MGST2: variants seen among roughly 807,000 people sequenced by gnomAD.
The protein encoded by MGST2 is glutathione peroxidase MGST2.
MGST2 carries 9 observed loss-of-function variants against 16.6 expected under a neutral mutation model. That is an observed-to-expected ratio of 0.54 (90% CI 0.33 to 0.95). The LOEUF is 0.95. Among genes scored for constraint, MGST2 ranks in the 40% least tolerant of loss-of-function variants. The probability of loss-of-function intolerance (pLI) is 0.03; values close to 1 mark genes in which losing one functional copy is unlikely to be tolerated. For missense variants in MGST2, 159 were observed against 175.1 expected, an observed-to-expected ratio of 0.91 and a Z score of 0.52; for synonymous variants, 79 against 68.0, an observed-to-expected ratio of 1.16 and a Z score of -0.79.
the MGST2 span, among the ~76,000 whole-genome samples, chr4:139,749,658 C>T: frequency 6.6e-6 from 1 of 152,228 alleles, no homozygotes; most frequent in Non-Finnish European, 1.5e-5. Context: ...TTTGCATGAG[C>T]ACTTCTGGAC....
intron 5 of MGST2, among the ~76,000 whole-genome samples, chr4:139,723,795 C>A (rs1453133): frequency 1.1e-3 from 167 of 152,234 alleles, no homozygotes; most frequent in Middle Eastern, 3.4e-3. Flanking sequence ...TTAATTAGTT[C>A]ATAATATAAT....
At chr4:139,720,253 C>G in intron 5 of MGST2, 1 of 1,600,330 alleles carries the variant, frequency 6.2e-7, no homozygotes, top group South Asian at 1.1e-5. Context: ...CGTTCTGTGC[C>G]ATCAGCCGTG....
chr4:139,695,878 C>G (rs1265350225), intron 3 of MGST2, among the ~76,000 whole-genome samples: 2 of 152,110 alleles, frequency 1.3e-5, no homozygotes, highest in Non-Finnish European at 2.9e-5. Flanking sequence ...GGGGTGCTGA[C>G]CCCCCGCCCC....
At chr4:139,668,096 T>TGG (rs1730469115) in intron 1 of MGST2, among the ~76,000 whole-genome samples, 1 of 152,148 alleles carries the variant, frequency 6.6e-6, no homozygotes, top group Non-Finnish European at 1.5e-5. Flanking sequence ...CAACTGGAAG[T>TGG]GGGGCATGGG....
At chr4:139,702,574 C>T (rs774190748) in intron 3 of MGST2, among the ~76,000 whole-genome samples, 1 of 151,990 alleles carries the variant, frequency 6.6e-6, no homozygotes, top group Non-Finnish European at 1.5e-5. Context: ...TATCCATTCT[C>T]CTGTTGATAG....
chr4:139,697,475 C>G (rs1726992248), intron 3 of MGST2, among the ~76,000 whole-genome samples: 1 of 152,164 alleles, frequency 6.6e-6, no homozygotes. Flanking sequence ...AGCTAAACTT[C>G]TTTCTAAAAT....
chr4:139,739,720 T>TAAAA (rs59259375), intron 5 of MGST2, among the ~76,000 whole-genome samples: 1 of 134,210 alleles, frequency 7.5e-6, no homozygotes, highest in African/African-American at 2.8e-5. Flanking sequence ...GTGTTAAAAC[T>TAAAA]AAAAAAAAAA....
intron 2 of MGST2, among the ~76,000 whole-genome samples, chr4:139,688,260 CA>C (rs1353262754): frequency 2.0e-5 from 3 of 151,972 alleles, no homozygotes. Flanking sequence ...TCTCTTTAGA[CA>C]AAAATTTTTA....
At chr4:139,670,068 G>A (rs1187311336) in intron 1 of MGST2, among the ~76,000 whole-genome samples, 1 of 152,134 alleles carries the variant, frequency 6.6e-6, no homozygotes, top group Non-Finnish European at 1.5e-5. Context: ...AGGCAATTGT[G>A]TTTGTCTTAG....
At chr4:139,676,334 G>T (rs1387231097) in intron 1 of MGST2, among the ~76,000 whole-genome samples, 2 of 152,022 alleles carry the variant, frequency 1.3e-5, no homozygotes, top group Non-Finnish European at 2.9e-5. Flanking sequence ...GTGAGTCAGG[G>T]TTCTCCAGAG....
rs535535121 is a variant in MGST2, at chr4:139,720,312, C to A, written c.*48+16116C>A. The A allele has an allele frequency of 1.0e-4, 155 of 1,534,562 alleles. 1 individual carries two copies. In the South Asian group the frequency reaches 1.9e-3, roughly 19 times the overall value. On this transcript the variant is annotated intron_variant, in intron 5 of 5. Coordinates refer to the MGST2 transcript ENST00000616265. ...GCTTGGCTTCTTACGGCTGCTATATCCTGGGGAGAACCTGCAGTGAAAAAG... is the reference window on the plus strand; with the variant it reads ...GCTTGGCTTCTTACGGCTGCTATATACTGGGGAGAACCTGCAGTGAAAAAG...
rs906778528 is a variant in MGST2, at chr4:139,735,057, T to TCCCGCCCGCCCCTCCGCGGCC, written c.*49-5147_*49-5127dup. Among the ~76,000 whole-genome samples, 1 of 152,112 alleles carries TCCCGCCCGCCCCTCCGCGGCC rather than the reference T, an allele frequency of 6.6e-6. No individual in the cohort carries two copies. The highest frequency in any genetic ancestry group is 2.4e-5 in the African/African-American group (1 of 41,448). On this transcript the variant is annotated intron_variant, in intron 5 of 5. Coordinates refer to the MGST2 transcript ENST00000616265. The surrounding 1 kb of genome is among the most constrained non-coding windows in gnomAD (Gnocchi z 5.8). ...CCCTCGCAGATGGCTTAATCAGGGC[T>TCCCGCCCGCCCCTCCGCGGCC]CCCGCCCGCCCCTCCGCGGCCCCCG...
At chr4:139,751,486 C>G in the MGST2 span, among the ~76,000 whole-genome samples, 1 of 152,314 alleles carries the variant, frequency 6.6e-6, no homozygotes, top group South Asian at 2.1e-4. Flanking sequence ...GTTTTGACTG[C>G]ATTTTGACTG....
Position 139,678,609 on chromosome 4 carries a change from G to A in MGST2, c.125G>A (p.Gly42Glu). 1 of 1,614,082 alleles carries A rather than the reference G, an allele frequency of 6.2e-7. No individual in the cohort carries two copies. Among genetic ancestry groups the A allele is most frequent in the Non-Finnish European group, 8.5e-7 (1 of 1,179,960 alleles). ...KYKVTPPAVTGSPEFERVFRA... is the reference protein window; with the variant it reads ...KYKVTPPAVTESPEFERVFRA... The stretch of plus-strand genomic sequence containing the variant: ...AAAGTTACGCCCCCAGCAGTCACTG[G>A]GTCACCAGAGTTTGAGAGAGTATTT... Residue 42 changes from glycine (G) to glutamate (E), a missense_variant, in exon 2 of 5, where the codon GGG becomes GAG. Physicochemically the swap from Gly to Glu is moderately conservative, Grantham distance 98. Transcript: ENST00000265498.
chr4:139,675,868 G>T (rs1730931628), intron 1 of MGST2, among the ~76,000 whole-genome samples: 1 of 152,208 alleles, frequency 6.6e-6, no homozygotes, highest in African/African-American at 2.4e-5. Context: ...TGCACAATGA[G>T]TTTTGTCATG....
intron 5 of MGST2, among the ~76,000 whole-genome samples, chr4:139,736,490 C>G (rs1402541909): frequency 6.6e-6 from 1 of 152,084 alleles, no homozygotes; most frequent in South Asian, 2.1e-4. Context: ...CTCTCAGTCC[C>G]CACCCCCTGA....
intron 5 of MGST2, among the ~76,000 whole-genome samples, chr4:139,737,197 G>C (rs1319726530): frequency 1.3e-5 from 2 of 152,116 alleles, no homozygotes; most frequent in Non-Finnish European, 2.9e-5. Flanking sequence ...TTTGAGGAAA[G>C]TTCCCTCTGA....
chr4:139,749,101 C>T, the MGST2 span, among the ~76,000 whole-genome samples: 1 of 152,100 alleles, frequency 6.6e-6, no homozygotes, highest in East Asian at 1.9e-4. Flanking sequence ...TATTTCCTTC[C>T]TCAGGAAAGA....
At chr4:139,731,506 T>C in intron 5 of MGST2, 1 of 138,732 alleles carries the variant, frequency 7.2e-6, no homozygotes, top group Non-Finnish European at 1.5e-5. Context: ...TAATCCCAGC[T>C]ACTCGGGAAG....
Sources: allele counts gnomAD v4.1 joint callset (sites outside exome capture counted in the v4.1 genomes callset), GRCh38; gene constraint gnomAD v4.1.1; non-coding constraint Gnocchi (gnomAD v3.1); transcripts MANE v1.5; gene names NCBI Gene and HGNC (gene_info 2026-07-23, HGNC 2026-07-21).